Variants in TTBK2 observed in about 807,000 individuals in gnomAD.
The protein encoded by TTBK2 is tau-tubulin kinase 2.
In TTBK2, 28 loss-of-function variants were observed where a neutral mutation model predicts 110.8. That is an observed-to-expected ratio of 0.25 (90% CI 0.19 to 0.35). The LOEUF (loss-of-function observed/expected upper bound fraction) is 0.35, where lower values mean the gene tolerates loss of function less well. TTBK2 is among the 10% of genes least tolerant of loss of function. The pLI is 1.00. For missense variants in TTBK2, 1,369 were observed against 1,500.3 expected (o/e 0.91, Z 1.45); for synonymous variants, 532 against 527.3 (o/e 1.01, Z -0.12).
At chr15:42,783,923 G>C (rs886202098) in intron 10 of TTBK2, among the ~76,000 whole-genome samples, 1 of 151,760 alleles carries the variant, frequency 6.6e-6, no homozygotes, top group East Asian at 1.9e-4. Flanking sequence ...TTAGCTGGGC[G>C]TGGTGGTGGG....
chr15:42,757,274 T>TA (rs57813709), intron 13 of TTBK2, among the ~76,000 whole-genome samples: 45,912 of 145,008 alleles, frequency 0.32, 8,004 homozygotes, highest in African/African-American at 0.48. Context: ...ACCAGCTAAT[T>TA]AAAAAAAAAA....
intron 3 of TTBK2, among the ~76,000 whole-genome samples, chr15:42,851,683 T>C (rs1595984441): frequency 1.3e-5 from 2 of 152,110 alleles, no homozygotes; most frequent in Non-Finnish European, 2.9e-5. Flanking sequence ...ATTTTCTATA[T>C]GTGTGCGTAT....
chr15:42,774,008 A>G (rs1228169151), intron 13 of TTBK2, among the ~76,000 whole-genome samples: 1 of 152,222 alleles, frequency 6.6e-6, no homozygotes, highest in African/African-American at 2.4e-5. Flanking sequence ...GCCTAACTAT[A>G]CAAAGCAGTC....
At position 42,750,089 on chromosome 15, in the gene TTBK2, A is replaced by C. The variant is rs1595874935; in HGVS notation, c.3272+1885T>G. ...TGACAGAGTGAGATCCTGTCTCAAA[A>C]ATAAAAAGAAACAAAAACAACCCAC... On this transcript the variant is annotated intron_variant, in intron 14 of 14. Transcript: ENST00000267890. Among the ~76,000 whole-genome samples, 2 of 152,320 alleles carry C rather than the reference A, an allele frequency of 1.3e-5. 1 individual carries two copies. The highest frequency in any genetic ancestry group is 2.9e-5 in the Non-Finnish European group (2 of 68,030).
At chr15:42,791,880 G>A (rs766913303) in intron 10 of TTBK2, among the ~76,000 whole-genome samples, 2 of 151,690 alleles carry the variant, frequency 1.3e-5, no homozygotes, top group Non-Finnish European at 2.9e-5. Flanking sequence ...GGTGGCTCGT[G>A]CCTGTGATCT....
chr15:42,902,057 A>T (rs965836219), intron 1 of TTBK2, among the ~76,000 whole-genome samples: 2 of 151,754 alleles, frequency 1.3e-5, no homozygotes, highest in African/African-American at 2.4e-5. Flanking sequence ...CTCTACTAAA[A>T]ATACAAAAAT....
At chr15:42,776,896 C>T in intron 12 of TTBK2, 135 bp downstream of exon 12, 1 of 823,470 alleles carries the variant, frequency 1.2e-6, no homozygotes, top group Non-Finnish European at 1.9e-6. Flanking sequence ...TGAATAGACT[C>T]AGTGTTACAA....
intron 10 of TTBK2, among the ~76,000 whole-genome samples, chr15:42,785,643 G>A (rs965078143): frequency 1.1e-4 from 16 of 151,992 alleles, no homozygotes; most frequent in Middle Eastern, 3.4e-3. Context: ...GTTGGTCATC[G>A]CTCCCTTAGA....
chr15:42,908,834 C>T (rs2030573225), intron 1 of TTBK2, among the ~76,000 whole-genome samples: 1 of 152,178 alleles, frequency 6.6e-6, no homozygotes, highest in East Asian at 1.9e-4. Context: ...TTCATAGTCA[C>T]ATTGTCCATA....
At chr15:42,882,171 AG>A (rs1895075311) in intron 1 of TTBK2, among the ~76,000 whole-genome samples, 1 of 152,222 alleles carries the variant, frequency 6.6e-6, no homozygotes, top group African/African-American at 2.4e-5. Context: ...AATTTTGTGA[AG>A]GAAAAAAACA....
intron 10 of TTBK2, among the ~76,000 whole-genome samples, chr15:42,788,840 AC>A (rs1383026931): frequency 6.6e-6 from 1 of 152,136 alleles, no homozygotes; most frequent in Non-Finnish European, 1.5e-5. Flanking sequence ...AGGTGAGTTA[AC>A]CCCATGTATA....
At chr15:42,800,283 T>C (rs946721088) in intron 9 of TTBK2, 1 of 438,976 alleles carries the variant, frequency 2.3e-6, no homozygotes, top group Non-Finnish European at 4.5e-6. Context: ...TATATACCTA[T>C]ATGCAGCCTA....
At chr15:42,825,717 A>AAAAAT (rs963510707) in intron 6 of TTBK2, among the ~76,000 whole-genome samples, 12 of 152,188 alleles carry the variant, frequency 7.9e-5, no homozygotes, top group Non-Finnish European at 1.3e-4. Context: ...TCCATCTCGA[A>AAAAAT]AAAATAAAAT....
rs1889854305 is a variant in TTBK2 at position 42,775,242 on chromosome 15, C to T, written c.1891G>A (p.Glu631Lys). The T allele has an allele frequency of 6.2e-7, 1 of 1,614,178 alleles. No homozygotes were observed. The highest frequency in any genetic ancestry group is 8.5e-7 in the Non-Finnish European group (1 of 1,180,038). The change falls in exon 13 of 15, where the codon GAA (glutamate) becomes AAA (lysine). Residue 631 changes from glutamate (E) to lysine (K), a missense_variant. Glu to Lys is a moderately conservative substitution (Grantham distance 56, BLOSUM62 1). This residue lies in a region of TTBK2 where 1,097 missense variants were observed against 1,114.7 expected (regional missense o/e 0.98). Transcript: ENST00000267890. Reference sequence around the variant, plus strand: ...AGTTCCAGCCTATCTGTATATTGTTCTGAAGCAGCAGTAGGAGGACCCTCT... The same window carrying T: ...AGTTCCAGCCTATCTGTATATTGTTTTGAAGCAGCAGTAGGAGGACCCTCT... ...SAEGPPTAAS[E>K]QYTDRLELQP...
In TTBK2 at chr15:42,808,148, G is replaced by C. The variant is rs143724898; in HGVS notation, c.822+2466C>G. Among the ~76,000 whole-genome samples, 6 of 152,278 alleles carry C rather than the reference G, an allele frequency of 3.9e-5. No homozygotes were observed. In the East Asian group the frequency reaches 9.6e-4, roughly 24 times the overall value. ...TTTCGACCTTTACTGTAAAGTGAGA[G>C]ACACATGAAAGATTCCTGGTAGAAA... On this transcript the variant is annotated intron_variant, in intron 9 of 14. Transcript: ENST00000267890.
intron 3 of TTBK2, among the ~76,000 whole-genome samples, chr15:42,868,668 G>C (rs1180650286): frequency 6.7e-6 from 1 of 149,604 alleles, no homozygotes; most frequent in Non-Finnish European, 1.5e-5. Context: ...ACCAGCCTGG[G>C]CAACAAAGCC....
intron 1 of TTBK2, among the ~76,000 whole-genome samples, chr15:42,892,360 G>A (rs1170527039): frequency 6.6e-6 from 1 of 152,042 alleles, no homozygotes; most frequent in Non-Finnish European, 1.5e-5. Flanking sequence ...TTAAATAACT[G>A]CAACACAGAC....
intron 9 of TTBK2, among the ~76,000 whole-genome samples, chr15:42,808,712 G>A: frequency 6.6e-6 from 1 of 151,852 alleles, no homozygotes; most frequent in East Asian, 1.9e-4. Flanking sequence ...AAAAAGCCAG[G>A]CATGGTGCAC....
intron 9 of TTBK2, among the ~76,000 whole-genome samples, chr15:42,798,709 T>C (rs192011443): frequency 6.6e-6 from 1 of 152,356 alleles, no homozygotes. Flanking sequence ...CCCAGACTTC[T>C]TGAGAAATAT....
Sources: gnomAD v4.1 joint callset for allele counts (sites outside exome capture counted in the v4.1 genomes callset) on GRCh38, gnomAD v4.1.1 for gene constraint, gnomAD v4.1.1 regional missense constraint, MANE v1.5 for transcripts, NCBI Gene and HGNC (gene_info 2026-07-23, HGNC 2026-07-21) for gene names.